Variants in BGN observed in about 807,000 individuals in gnomAD.
BGN encodes the protein bone/cartilage proteoglycan-I.
Under a neutral mutation model 20.0 loss-of-function variants are expected in BGN, and 6 were observed. That is an observed-to-expected ratio of 0.30 (90% CI 0.16 to 0.59). The LOEUF is 0.59. Among genes scored for constraint, BGN ranks in the 20% least tolerant of loss-of-function variants. The pLI is 0.88. For synonymous variants in BGN, 146 were observed against 134.6 expected (o/e 1.08, Z -0.59); for missense variants, 292 against 312.1 (o/e 0.94, Z 0.49).
In BGN at chrX:153,508,111, G is replaced by T. The variant is rs189253256; in HGVS notation, c.910-137G>T. On this transcript the variant is annotated intron_variant, in intron 7 of 7. Coordinates refer to ENST00000331595, the MANE Select transcript of BGN (RefSeq NM_001711.6). Reference sequence around the variant, plus strand: ...AAATAACACGCCCATGCCTTGGTTTGCTCCTCCCAACAACGGGGAGCCTCT... The same window carrying T: ...AAATAACACGCCCATGCCTTGGTTTTCTCCTCCCAACAACGGGGAGCCTCT... 1.9e-3 allele frequency: 1,227 copies of T among 655,147 alleles called. 9 individuals are homozygous for T. The African/African-American group carries it at 0.025, about 13-fold the overall frequency. The allele number at this position is 655,147 out of a possible 1,213,427, so 54.0% of individuals were successfully genotyped here.
intron 1 of BGN, among the ~76,000 whole-genome samples, chrX:153,495,824 G>A (rs782435745): frequency 1.8e-5 from 2 of 113,224 alleles, no homozygotes; most frequent in South Asian, 7.2e-4. Flanking sequence ...CCCTGACTGG[G>A]GGTGCCTGGG....
intron 1 of BGN, among the ~76,000 whole-genome samples, chrX:153,496,486 C>T (rs1451398505): frequency 1.8e-5 from 2 of 112,615 alleles, no homozygotes; most frequent in Non-Finnish European, 3.8e-5. Context: ...AGGGCAAGCC[C>T]GTGTGGGTAT....
Position 153,504,777 on chromosome X carries a change from T to C in BGN, c.146T>C (p.Val49Ala). ...EEASGADTSG[V>A]LDPDSVTPTY... Reference sequence around the variant, plus strand: ...GCTTCGGGCGCTGACACCTCGGGCGTCCTGGACCCGGACTCTGTCACACCC... The same window carrying C: ...GCTTCGGGCGCTGACACCTCGGGCGCCCTGGACCCGGACTCTGTCACACCC... The change falls in exon 2 of 8, where the codon GTC (valine) becomes GCC (alanine). Residue 49 changes from valine (V) to alanine (A), a missense_variant. Physicochemically the swap from Val to Ala is moderately conservative, Grantham distance 64. Transcript: ENST00000331595. 8.3e-7 allele frequency: 1 copy of C among 1,210,097 alleles called. No homozygotes were observed. Among genetic ancestry groups the C allele is most frequent in the Non-Finnish European group, 1.1e-6 (1 of 895,257 alleles).
In BGN at chrX:153,506,640, G is replaced by T; in HGVS notation, c.676+1G>T. 1 of 1,207,703 alleles carries T rather than the reference G, an allele frequency of 8.3e-7. No homozygotes were observed. The highest frequency in any genetic ancestry group is 1.1e-6 in the Non-Finnish European group (1 of 892,054). On this transcript the variant is annotated splice_donor_variant, in intron 5 of 7. Coordinates refer to ENST00000331595, the MANE Select transcript of BGN (RefSeq NM_001711.6). LOFTEE classifies it high-confidence loss of function. ...GCCAAGCTGACTGGCATCCCCAAAG[G>T]TAGGAAGCCCACTCTTCCTGCACGC...
chrX:153,500,764 T>C (rs7050964), intron 1 of BGN, among the ~76,000 whole-genome samples: 9 of 110,726 alleles, frequency 8.1e-5, no homozygotes, highest in African/African-American at 3.0e-4. Flanking sequence ...TAAATGTGTA[T>C]GTGTGCGTGT....
chrX:153,496,044 G>T (rs782340095), intron 1 of BGN, among the ~76,000 whole-genome samples: 1 of 112,392 alleles, frequency 8.9e-6, no homozygotes, highest in African/African-American at 3.2e-5. Flanking sequence ...ACTGCTCCAT[G>T]GGCGGGGCTG....
chrX:153,495,938 C>A (rs2089710302), intron 1 of BGN, among the ~76,000 whole-genome samples: 1 of 112,570 alleles, frequency 8.9e-6, no homozygotes, highest in Admixed American at 9.3e-5. Context: ...CTCCCCAGGG[C>A]GGACCTGGCT....
rs1435587833 is a variant in BGN at position 153,508,410 on chromosome X, C to T, written c.1072C>T (p.Arg358Cys). ...GGCCACTTTCCGCTGCGTCACTGAC[C>T]GCCTGGCCATCCAGTTTGGCAACTA... is the stretch of plus-strand genomic sequence containing the variant. Reference protein sequence around the residue: ...QPATFRCVTDRLAIQFGNYKK With the variant: ...QPATFRCVTDCLAIQFGNYKK The change falls in exon 8 of 8, where the codon CGC (arginine) becomes TGC (cysteine). Residue 358 changes from arginine to cysteine, a missense_variant. By Grantham distance (180) the Arg-to-Cys change is radical. Coordinates refer to ENST00000331595, the MANE Select transcript of BGN (RefSeq NM_001711.6). 2.5e-6 allele frequency: 3 copies of T among 1,212,067 alleles called. No individual in the cohort carries two copies. The highest frequency in any genetic ancestry group is 1.8e-5 in the South Asian group (1 of 57,030).
In BGN at chrX:153,509,449, G is replaced by A. The variant is rs1347845014; in HGVS notation, c.*1004G>A. 1 of 112,075 alleles carries A rather than the reference G, an allele frequency of 8.9e-6. No homozygotes were observed. Among genetic ancestry groups the A allele is most frequent in the African/African-American group, 3.2e-5 (1 of 30,781 alleles). 9.2% of individuals were successfully genotyped at this position (112,075 alleles called of 1,213,427 possible). Reference sequence around the variant, plus strand: ...GCCCCTCACCCCCACTGGCCCACTGGTGGCTAGGTCTCCCCTTATCCTTCT... The same window carrying A: ...GCCCCTCACCCCCACTGGCCCACTGATGGCTAGGTCTCCCCTTATCCTTCT... On this transcript the variant is annotated 3_prime_UTR_variant, in exon 8 of 8. Coordinates refer to ENST00000331595, the MANE Select transcript of BGN (RefSeq NM_001711.6).
intron 1 of BGN, among the ~76,000 whole-genome samples, chrX:153,500,842 C>T (rs1188083645): frequency 1.9e-5 from 2 of 105,385 alleles, no homozygotes; most frequent in African/African-American, 7.1e-5. Flanking sequence ...TGCATGTGCG[C>T]ATGTGGATGT....
At chrX:153,504,990 G>A in intron 2 of BGN, 121 bp downstream of exon 2, 1 of 803,535 alleles carries the variant, frequency 1.2e-6, no homozygotes, top group Non-Finnish European at 1.8e-6. Flanking sequence ...TGTAAGTGTA[G>A]GAGGGGTCCA....
At chrX:153,503,727 C>G (rs1375562637) in intron 1 of BGN, among the ~76,000 whole-genome samples, 1 of 112,663 alleles carries the variant, frequency 8.9e-6, no homozygotes, top group Non-Finnish European at 1.9e-5. Context: ...CCTGGGGGGC[C>G]TCAGGCAAGC....
At chrX:153,504,980 T>C (rs1002184539) in intron 2 of BGN, 111 bp downstream of exon 2, 1 of 858,737 alleles carries the variant, frequency 1.2e-6, no homozygotes, top group Non-Finnish European at 1.6e-6. Context: ...GCGAGCATGA[T>C]GTAAGTGTAG....
chrX:153,504,249 G>T (rs1188727537), intron 1 of BGN, among the ~76,000 whole-genome samples: 1 of 112,593 alleles, frequency 8.9e-6, no homozygotes, highest in African/African-American at 3.2e-5. Context: ...CCTCCTCCAC[G>T]CAGCCTCATG....
rs781882268 is a variant in BGN at position 153,509,537 on chromosome X, G to A, written c.*1092G>A. On this transcript the variant is annotated 3_prime_UTR_variant, in exon 8 of 8. Coordinates refer to ENST00000331595, the MANE Select transcript of BGN (RefSeq NM_001711.6). ...GCTGTCTTTCCATTAAAGAAACACC[G>A]TGCAACGTGGCTCCGTGCGCTGCTC... The A allele has an allele frequency of 6.2e-5, 7 of 112,737 alleles. No homozygotes were observed. Among genetic ancestry groups the A allele is most frequent in the African/African-American group, 1.9e-4 (6 of 31,089 alleles). The allele number at this position is 112,737 out of a possible 1,213,427, so 9.3% of individuals were successfully genotyped here.
At chrX:153,495,522 A>G (rs1602969189) in intron 1 of BGN, 1 of 109,976 alleles carries the variant, frequency 9.1e-6, no homozygotes, top group South Asian at 3.9e-4. Context: ...CGCATGCTCC[A>G]CTCCCTCAGC....
intron 3 of BGN, 151 bp downstream of exon 3, chrX:153,505,501 G>A: frequency 2.0e-6 from 1 of 499,724 alleles, no homozygotes; most frequent in South Asian, 3.3e-5. Context: ...GAGCTCCCGG[G>A]TTTGCGGCTC....
chrX:153,497,621 C>T (rs2089728803), intron 1 of BGN, among the ~76,000 whole-genome samples: 1 of 111,729 alleles, frequency 9.0e-6, no homozygotes, highest in East Asian at 2.8e-4. Flanking sequence ...GGCCTGAGGC[C>T]CGCCTAGCCT....
chrX:153,499,815 C>T (rs2089744055), intron 1 of BGN, among the ~76,000 whole-genome samples: 1 of 112,863 alleles, frequency 8.9e-6, no homozygotes, highest in African/African-American at 3.2e-5. Flanking sequence ...GGCCGGGTGT[C>T]AGCGGGGGCA....
Sources: allele counts gnomAD v4.1 joint callset (sites outside exome capture counted in the v4.1 genomes callset), GRCh38; gene constraint gnomAD v4.1.1; transcripts MANE v1.5; gene names NCBI Gene and HGNC (gene_info 2026-07-23, HGNC 2026-07-21).